GPC5: variants seen among roughly 807,000 people sequenced by gnomAD.
The protein encoded by GPC5 is glypican-5.
Under a neutral mutation model 53.9 loss-of-function variants are expected in GPC5, and 47 were observed. The observed-to-expected ratio is 0.87, with a 90% confidence interval of 0.69 to 1.11. GPC5 has a LOEUF of 1.11. Ranked by LOEUF, GPC5 falls within the 50% of genes most tolerant of loss-of-function variation. GPC5 has a pLI of 0.00. For synonymous variants in GPC5, 286 were observed against 263.3 expected (o/e 1.09, Z -0.84); for missense variants, 748 against 713.1 (o/e 1.05, Z -0.56).
chr13:92,092,810 G>T (rs1052424643), intron 6 of GPC5, among the ~76,000 whole-genome samples: 2 of 152,118 alleles, frequency 1.3e-5, no homozygotes, highest in African/African-American at 4.8e-5. Flanking sequence ...ATATGTTCAT[G>T]ATTTTATTTA....
intron 7 of GPC5, among the ~76,000 whole-genome samples, chr13:92,381,881 T>C (rs1453875037): frequency 1.8e-4 from 7 of 39,664 alleles, no homozygotes; most frequent in Admixed American, 1.5e-3. Flanking sequence ...TATATATGAT[T>C]ATATATATTA....
chr13:92,790,416 T>G (rs1594509228), intron 7 of GPC5, among the ~76,000 whole-genome samples: 1 of 152,130 alleles, frequency 6.6e-6, no homozygotes, highest in African/African-American at 2.4e-5. Context: ...GGTATTGCAT[T>G]TAGTAGATCT....
chr13:92,135,161 A>G (rs1022946909), intron 6 of GPC5, among the ~76,000 whole-genome samples: 4 of 152,072 alleles, frequency 2.6e-5, no homozygotes, highest in African/African-American at 9.7e-5. Context: ...AGTGAACTTA[A>G]CATGGATGTT....
chr13:92,087,731 T>A (rs1566429526), intron 6 of GPC5, among the ~76,000 whole-genome samples: 1 of 152,164 alleles, frequency 6.6e-6, no homozygotes, highest in Non-Finnish European at 1.5e-5. Flanking sequence ...TTTGTTATTG[T>A]GTCTCATATC....
rs199601453 is a variant in GPC5 at position 92,654,781 on chromosome 13, T to C, written c.1562-211501T>C. Among the ~76,000 whole-genome samples, 15 of 151,802 alleles carry C rather than the reference T, an allele frequency of 9.9e-5. No homozygotes were observed. In the East Asian group the frequency reaches 2.9e-3, roughly 29 times the overall value. ...AAAAAAAAAAGTAGAAGTAAATGTA[T>C]CCCCCCAAATTTCATTTCTACCTGG... On this transcript the variant is annotated intron_variant, in intron 7 of 7. Transcript: ENST00000377067.
chr13:91,794,622 TAATA>T (rs1403194947), intron 5 of GPC5, among the ~76,000 whole-genome samples: 1 of 152,196 alleles, frequency 6.6e-6, no homozygotes, highest in Admixed American at 6.5e-5. Context: ...ATCAATTTGC[TAATA>T]AATAAGTGAC....
intron 2 of GPC5, among the ~76,000 whole-genome samples, chr13:91,493,151 A>G (rs956363393): frequency 6.6e-6 from 1 of 152,156 alleles, no homozygotes; most frequent in Non-Finnish European, 1.5e-5. Context: ...TATTTACTCC[A>G]TGCCTGCATA....
At chr13:91,455,644 G>A (rs1881488013) in intron 2 of GPC5, among the ~76,000 whole-genome samples, 3 of 152,208 alleles carry the variant, frequency 2.0e-5, no homozygotes, top group South Asian at 2.1e-4. Context: ...TTTAACTAAA[G>A]TAATTGGAAT....
intron 4 of GPC5, among the ~76,000 whole-genome samples, chr13:91,732,274 CT>C (rs1360315850): frequency 1.3e-5 from 2 of 152,080 alleles, no homozygotes. Context: ...CTGTATTTCT[CT>C]AATGATCAGT....
At chr13:92,696,647 T>C (rs751485030) in intron 7 of GPC5, among the ~76,000 whole-genome samples, 61 of 152,232 alleles carry the variant, frequency 4.0e-4, no homozygotes, top group Non-Finnish European at 2.1e-4. Flanking sequence ...TTCTGTAGGT[T>C]GCCTGTTCAT....
intron 7 of GPC5, among the ~76,000 whole-genome samples, chr13:92,365,208 T>C (rs1594135821): frequency 1.3e-5 from 2 of 151,814 alleles, no homozygotes; most frequent in East Asian, 1.9e-4. Flanking sequence ...CTGTTGCTCC[T>C]ATGTTACAAA....
intron 1 of GPC5, among the ~76,000 whole-genome samples, chr13:91,421,990 G>A (rs1037442472): frequency 2.6e-5 from 4 of 152,202 alleles, no homozygotes; most frequent in African/African-American, 9.6e-5. Context: ...CAGAAACACA[G>A]TAATGAAAAT....
chr13:92,191,774 A>T (rs1593979696), intron 7 of GPC5, among the ~76,000 whole-genome samples: 1 of 152,128 alleles, frequency 6.6e-6, no homozygotes, highest in Admixed American at 6.5e-5. Context: ...AAGGCTCAAG[A>T]CTCTGTAATT....
chr13:92,298,048 C>A (rs1336477066), intron 7 of GPC5, among the ~76,000 whole-genome samples: 1 of 152,074 alleles, frequency 6.6e-6, no homozygotes. Flanking sequence ...TCCGGACACA[C>A]TAGGAGGATC....
intron 5 of GPC5, among the ~76,000 whole-genome samples, chr13:91,881,888 G>A (rs2039267464): frequency 6.6e-6 from 1 of 152,128 alleles, no homozygotes; most frequent in African/African-American, 2.4e-5. Flanking sequence ...AGAGCATCTG[G>A]ATAAACCTAA....
chr13:91,981,304 T>C (rs970834256), intron 6 of GPC5, among the ~76,000 whole-genome samples: 5 of 152,104 alleles, frequency 3.3e-5, no homozygotes, highest in South Asian at 4.1e-4. Context: ...TTTTTTTTTT[T>C]TTTGAGACGG....
intron 2 of GPC5, among the ~76,000 whole-genome samples, chr13:91,496,759 A>G (rs1204147906): frequency 6.6e-6 from 1 of 152,164 alleles, no homozygotes; most frequent in Non-Finnish European, 1.5e-5. Context: ...AATTTATAGT[A>G]CATTCAAAAA....
chr13:91,885,362 T>A (rs1200837795), intron 5 of GPC5, among the ~76,000 whole-genome samples: 1 of 152,250 alleles, frequency 6.6e-6, no homozygotes, highest in Non-Finnish European at 1.5e-5. Context: ...AAGGAAGTTT[T>A]TTTTCTTTAT....
At chr13:91,974,513 T>C (rs549462546) in intron 6 of GPC5, among the ~76,000 whole-genome samples, 2 of 151,994 alleles carry the variant, frequency 1.3e-5, no homozygotes, top group East Asian at 3.9e-4. Flanking sequence ...TGAACTCCCA[T>C]TCACAATTGC....
Sources: gnomAD v4.1 joint callset for allele counts (sites outside exome capture counted in the v4.1 genomes callset) on GRCh38, gnomAD v4.1.1 for gene constraint, MANE v1.5 for transcripts, NCBI Gene and HGNC (gene_info 2026-07-23, HGNC 2026-07-21) for gene names.